IL23R: variants seen among roughly 807,000 people sequenced by gnomAD.
IL23R encodes the protein interleukin 23 receptor.
In IL23R, 34 loss-of-function variants were observed where a neutral mutation model predicts 56.9. The ratio of observed to expected loss-of-function variants is 0.60; its 90% CI spans 0.45 to 0.80. The LOEUF (loss-of-function observed/expected upper bound fraction) is 0.80, where lower values mean the gene tolerates loss of function less well. IL23R is among the 30% of genes least tolerant of loss of function. IL23R has a pLI of 0.00. For synonymous variants in IL23R, 230 were observed against 249.2 expected, an observed-to-expected ratio of 0.92 and a Z score of 0.73; for missense variants, 635 against 730.0, an observed-to-expected ratio of 0.87 and a Z score of 1.50.
At chr1:67,188,482 C>T (rs568291043) in intron 4 of IL23R, among the ~76,000 whole-genome samples, 3 of 152,290 alleles carry the variant, frequency 2.0e-5, no homozygotes, top group Admixed American at 2.0e-4. Context: ...CCTTGCTGAG[C>T]CTCAGCCTCC....
chr1:67,147,171 G>C (rs1233004769), intron 1 of IL23R, among the ~76,000 whole-genome samples: 1 of 152,136 alleles, frequency 6.6e-6, no homozygotes, highest in Non-Finnish European at 1.5e-5. Context: ...AAGCAGATGA[G>C]AGGTGGATGT....
chr1:67,185,065 AG>A (rs1032048483), intron 4 of IL23R, among the ~76,000 whole-genome samples: 10 of 152,240 alleles, frequency 6.6e-5, no homozygotes, highest in African/African-American at 1.9e-4. Context: ...TGGACTTCCA[AG>A]CCTCCAGAAC....
At chr1:67,171,466 C>T (rs980716756) in intron 3 of IL23R, among the ~76,000 whole-genome samples, 13 of 152,106 alleles carry the variant, frequency 8.5e-5, no homozygotes, top group Non-Finnish European at 1.3e-4. Context: ...CTCTACTATT[C>T]TAACAGAACA....
chr1:67,265,015 A>G, the IL23R span, among the ~76,000 whole-genome samples: 1 of 152,224 alleles, frequency 6.6e-6, no homozygotes, highest in South Asian at 2.1e-4. Context: ...TAAAAATTCA[A>G]GCAAAACAAA....
upstream of IL23R, among the ~76,000 whole-genome samples, chr1:67,162,848 C>A (rs542237664): frequency 2.6e-5 from 4 of 152,134 alleles, no homozygotes; most frequent in Non-Finnish European, 4.4e-5. Context: ...TTACTGTGAA[C>A]CCCGGCTCAT....
chr1:67,142,508 G>A (rs1646647219), intron 1 of IL23R, among the ~76,000 whole-genome samples: 1 of 152,126 alleles, frequency 6.6e-6, no homozygotes, highest in African/African-American at 2.4e-5. Context: ...TCTCCCATTG[G>A]CCTGCTCTCA....
intron 8 of IL23R, among the ~76,000 whole-genome samples, chr1:67,237,040 A>ATTTAT (rs1320057989): frequency 4.6e-5 from 7 of 152,038 alleles, no homozygotes; most frequent in Admixed American, 3.9e-4. Context: ...TAAAATTTTT[A>ATTTAT]TTTATTTTAT....
intron 1 of IL23R, among the ~76,000 whole-genome samples, chr1:67,166,877 G>A (rs75296090): frequency 0.011 from 1,598 of 152,142 alleles, 33 homozygotes; most frequent in African/African-American, 0.036. Flanking sequence ...TATTTTATGC[G>A]ATATGATGAG....
chr1:67,156,729 G>GT (rs1407936355), intron 1 of IL23R, among the ~76,000 whole-genome samples: 1 of 152,204 alleles, frequency 6.6e-6, no homozygotes, highest in Non-Finnish European at 1.5e-5. Flanking sequence ...AAAGCCAGTG[G>GT]TTTTTAGCTT....
At chr1:67,204,744 C>T (rs1648887760) in intron 5 of IL23R, among the ~76,000 whole-genome samples, 2 of 149,626 alleles carry the variant, frequency 1.3e-5, no homozygotes, top group South Asian at 4.2e-4. Context: ...GGATCCATGC[C>T]CTTGACTCTA....
At chr1:67,264,266 A>T (rs1362260099), downstream of IL23R, among the ~76,000 whole-genome samples, 1 of 152,232 alleles carries the variant, frequency 6.6e-6, no homozygotes, top group African/African-American at 2.4e-5. Context: ...ACTTTACCAT[A>T]AATGTCTGGG....
intron 9 of IL23R, among the ~76,000 whole-genome samples, chr1:67,248,432 C>T (rs916365510): frequency 6.6e-5 from 10 of 152,054 alleles, no homozygotes; most frequent in African/African-American, 1.4e-4. Flanking sequence ...GTATGCTTCA[C>T]GAAGTTCTTG....
At chr1:67,174,115 T>A (rs954509732) in intron 3 of IL23R, among the ~76,000 whole-genome samples, 3 of 152,166 alleles carry the variant, frequency 2.0e-5, no homozygotes, top group Non-Finnish European at 4.4e-5. Flanking sequence ...TAAGGGAACA[T>A]CCTTTAAGCC....
chr1:67,196,639 G>A (rs186457231), intron 4 of IL23R, among the ~76,000 whole-genome samples: 2 of 152,248 alleles, frequency 1.3e-5, no homozygotes, highest in African/African-American at 4.8e-5. Flanking sequence ...TCTATATCAA[G>A]TTAAGTTTCA....
chr1:67,179,350 G>A (rs1348459285), intron 3 of IL23R, among the ~76,000 whole-genome samples: 1 of 152,176 alleles, frequency 6.6e-6, no homozygotes, highest in Non-Finnish European at 1.5e-5. Context: ...TCTTGGGAGG[G>A]TGTATGCGTC....
chr1:67,149,697 G>A (rs371304252), intron 1 of IL23R, among the ~76,000 whole-genome samples: 1 of 152,064 alleles, frequency 6.6e-6, no homozygotes, highest in Non-Finnish European at 1.5e-5. Flanking sequence ...TATACTGGAG[G>A]TTCATTTTTC....
chr1:67,206,782 T>C, intron 5 of IL23R, 128 bp from the exon 6 acceptor site: 1 of 1,051,230 alleles, frequency 9.5e-7, no homozygotes, highest in Admixed American at 2.8e-5. Context: ...TAATTGTTCA[T>C]TAGACCATGA....
intron 5 of IL23R, among the ~76,000 whole-genome samples, chr1:67,202,759 G>A (rs1433301051): frequency 1.3e-5 from 2 of 152,036 alleles, no homozygotes; most frequent in African/African-American, 4.8e-5. Context: ...ATCTCTTTTA[G>A]AGACAGAGTC....
chr1:67,227,952 T>TCC (rs1650744156), intron 7 of IL23R, among the ~76,000 whole-genome samples: 1 of 11,010 alleles, frequency 9.1e-5, no homozygotes, highest in Non-Finnish European at 1.9e-4. Context: ...CTTTCTTTCT[T>TCC]TCTTTCTTTC....
Sources: gnomAD v4.1 joint callset for allele counts (sites outside exome capture counted in the v4.1 genomes callset) on GRCh38, gnomAD v4.1.1 for gene constraint, MANE v1.5 for transcripts, NCBI Gene and HGNC (gene_info 2026-07-23, HGNC 2026-07-21) for gene names.